THNSL2: variants seen among roughly 807,000 people sequenced by gnomAD.
THNSL2 encodes the protein threonine synthase like 2.
In THNSL2, 34 loss-of-function variants were observed where a neutral mutation model predicts 40.0. The ratio of observed to expected loss-of-function variants is 0.85; its 90% CI spans 0.65 to 1.13. The LOEUF (loss-of-function observed/expected upper bound fraction) is 1.13. Among genes scored for constraint, THNSL2 ranks in the 50% most tolerant of loss-of-function variants. THNSL2 has a pLI of 0.00. For synonymous variants in THNSL2, 241 were observed against 247.5 expected, an observed-to-expected ratio of 0.97 and a Z score of 0.25; for missense variants, 537 against 608.8, an observed-to-expected ratio of 0.88 and a Z score of 1.24.
chr2:88,183,052 G>T lies in THNSL2; in HGVS notation c.1056G>T (p.Leu352=). ...TTGAAAGGACCCAAAGTGTGAATCT[G>T]CCCAAGGAACTGCACAGCAAGGTCA... ...EQFERTQSVN[L]PKELHSKLSE... Residue 352 remains leucine, a synonymous_variant, in exon 7 of 9, where the codon CTG becomes CTT. Transcript: ENST00000674334. 2 of 1,613,346 alleles carry T rather than the reference G, an allele frequency of 1.2e-6. No individual in the cohort carries two copies. Among genetic ancestry groups the T allele is most frequent in the Non-Finnish European group, 1.7e-6 (2 of 1,179,998 alleles).
chr2:88,185,846 T>A (rs1678231105), intron 8 of THNSL2, 52 bp from the exon 9 acceptor site: 5 of 1,547,144 alleles, frequency 3.2e-6, no homozygotes, highest in Non-Finnish European at 4.4e-6. Flanking sequence ...TCCTTTCCCA[T>A]CTCTCTATTC....
chr2:88,185,638 AG>A lies in THNSL2; in HGVS notation c.1229+160del, dbSNP rs1477543866. ...GTGCCTTGGAAACTGTGGGCCCAGA[AG>A]AGGGAGCGTGACAGATATCCCAGGG... is the stretch of plus-strand genomic sequence containing the variant. On this transcript the variant is annotated intron_variant, in intron 8 of 8. Coordinates refer to ENST00000674334, the MANE Select transcript of THNSL2 (RefSeq NM_018271.5). 3 of 1,551,476 alleles carry A rather than the reference AG, an allele frequency of 1.9e-6. No homozygotes were observed. In the African/African-American group the frequency reaches 4.1e-5, roughly 21 times the overall value.
Position 88,181,675 on chromosome 2 carries a change from T to C in THNSL2, c.803-1024T>C, listed in dbSNP as rs1412066624. On this transcript the variant is annotated intron_variant, in intron 5 of 8. Transcript: ENST00000674334. ...TGATTCAGTGGTTTTTAGTATAATA[T>C]ATTCACAGACTTGTGCAACTATCAC... is the stretch of plus-strand genomic sequence containing the variant. Among the ~76,000 whole-genome samples, 19 of 152,022 alleles carry C rather than the reference T, an allele frequency of 1.2e-4. 1 individual carries two copies.
intron 1 of THNSL2, 91 bp from the exon 2 acceptor site, chr2:88,173,048 G>A: frequency 2.4e-6 from 2 of 828,646 alleles, no homozygotes; most frequent in Non-Finnish European, 3.7e-6. Flanking sequence ...GTGGTCTAGA[G>A]GCTAACTGTG....
rs755671875 is a variant in THNSL2, at chr2:88,173,341, G to A, written c.191G>A (p.Gly64Asp). ...LVKELCALFIGSELLPKDELN... is the reference protein window; with the variant it reads ...LVKELCALFIDSELLPKDELN... ...AAGGAGCTGTGTGCCCTCTTCATTG[G>A]CTCTGAGCTCCTTCCAAAAGATGAA... The change falls in exon 2 of 9, where the codon GGC becomes GAC. Residue 64 changes from glycine (G) to aspartate (D), a missense_variant. Physicochemically the swap from Gly to Asp is moderately conservative, Grantham distance 94 (BLOSUM62 -1). Transcript: ENST00000674334. 9.9e-6 allele frequency: 16 copies of A among 1,608,868 alleles called. No individual in the cohort carries two copies. Among genetic ancestry groups the A allele is most frequent in the African/African-American group, 1.3e-5 (1 of 74,952 alleles).
chr2:88,181,673 T>A (rs980458941), intron 5 of THNSL2, among the ~76,000 whole-genome samples: 3 of 152,014 alleles, frequency 2.0e-5, no homozygotes, highest in Non-Finnish European at 4.4e-5. Flanking sequence ...TTTAGTATAA[T>A]ATATTCACAG....
chr2:88,171,258 T>C (rs1383383088), intron 1 of THNSL2: 1 of 456,444 alleles, frequency 2.2e-6, no homozygotes, highest in East Asian at 7.0e-5. Flanking sequence ...ATGCTGCCCC[T>C]GGAAGGCATT....
rs139378946 is a variant in THNSL2 at position 88,182,318 on chromosome 2, G to A, written c.803-381G>A. Among the ~76,000 whole-genome samples, 611 of 152,308 alleles carry A rather than the reference G, an allele frequency of 4.0e-3. 13 individuals carry two copies. The highest frequency in any genetic ancestry group is 2.0e-3 in the Non-Finnish European group (139 of 68,032). On this transcript the variant is annotated intron_variant, in intron 5 of 8. Transcript: ENST00000674334. ...TTCCAGCCATCCTAGAGGGTTTGAA[G>A]TAATATCTCATGGTTTTTGTTTATA...
intron 5 of THNSL2, 160 bp from the exon 6 acceptor site, chr2:88,182,539 T>C: frequency 1.4e-6 from 1 of 712,726 alleles, no homozygotes; most frequent in Non-Finnish European, 2.1e-6. Context: ...TTTTTCCCCA[T>C]TCTGCGAGTT....
intron 5 of THNSL2, among the ~76,000 whole-genome samples, chr2:88,179,310 C>T (rs868320649): frequency 1.3e-5 from 2 of 152,328 alleles, no homozygotes; most frequent in Middle Eastern, 3.4e-3. Context: ...AAGGGTCAGC[C>T]GCTATGGCTG....
Position 88,185,940 on chromosome 2 carries a change from C to A in THNSL2, c.1272C>A (p.Phe424Leu). 1 of 1,612,092 alleles carries A rather than the reference C, an allele frequency of 6.2e-7. No individual in the cohort carries two copies. Residue 424 changes from phenylalanine (F) to leucine (L), a missense_variant, in exon 9 of 9, where the codon TTC becomes TTA. By Grantham distance (22) the Phe-to-Leu change is conservative. Transcript: ENST00000674334. ...CCLAPASAAKFPEAVLAAGLT... is the reference protein window; with the variant it reads ...CCLAPASAAKLPEAVLAAGLT... Reference sequence around the variant, plus strand: ...TCGCCCCTGCCTCTGCAGCCAAGTTCCCGGAAGCTGTCCTGGCTGCTGGCC... The same window carrying A: ...TCGCCCCTGCCTCTGCAGCCAAGTTACCGGAAGCTGTCCTGGCTGCTGGCC...
intron 8 of THNSL2, 106 bp from the exon 9 acceptor site, chr2:88,185,792 C>T: frequency 1.3e-6 from 2 of 1,538,392 alleles, no homozygotes; most frequent in South Asian, 1.2e-5. Flanking sequence ...TCCATACCCC[C>T]CCATCCCTAA....
intron 1 of THNSL2, 23 bp downstream of exon 1, chr2:88,170,479 C>T (rs1676243580): frequency 1.4e-5 from 2 of 147,488 alleles, no homozygotes; most frequent in South Asian, 3.7e-4. Context: ...AACCTCGCCG[C>T]CCTCCCGGGG....
intron 8 of THNSL2, 152 bp downstream of exon 8, chr2:88,185,631 G>T: frequency 6.4e-7 from 1 of 1,551,558 alleles, no homozygotes; most frequent in African/African-American, 1.4e-5. Flanking sequence ...GAAACTGTGG[G>T]CCCAGAAGAG....
intron 4 of THNSL2, chr2:88,175,722 G>T: frequency 4.1e-6 from 1 of 244,620 alleles, no homozygotes; most frequent in Non-Finnish European, 7.9e-6. Context: ...ACCATGCAGA[G>T]TCATAACCTG....
At chr2:88,181,150 T>C (rs1573197426) in intron 5 of THNSL2, among the ~76,000 whole-genome samples, 1 of 36,450 alleles carries the variant, frequency 2.7e-5, no homozygotes, top group Non-Finnish European at 5.0e-5. Context: ...CTCCTCTCTC[T>C]CTCCTCTCTC....
At chr2:88,177,504 G>A (rs1012248164) in intron 4 of THNSL2, among the ~76,000 whole-genome samples, 15 of 152,326 alleles carry the variant, frequency 9.8e-5, no homozygotes, top group African/African-American at 3.6e-4. Flanking sequence ...TTGGCTAGAA[G>A]TAGCAAAAAA....
chr2:88,185,276 T>G, intron 7 of THNSL2, 52 bp from the exon 8 acceptor site: 3 of 1,569,828 alleles, frequency 1.9e-6, no homozygotes, highest in Non-Finnish European at 2.6e-6. Context: ...TTTTGTCATC[T>G]TTCCCTACAT....
chr2:88,175,492 TG>T, intron 4 of THNSL2, 91 bp downstream of exon 4: 1 of 1,503,368 alleles, frequency 6.7e-7, no homozygotes, highest in Non-Finnish European at 9.1e-7. Context: ...ATTGCACAGT[TG>T]GGTAGCTGAC....
Sources: gnomAD v4.1 joint callset for allele counts (sites outside exome capture counted in the v4.1 genomes callset) on GRCh38, gnomAD v4.1.1 for gene constraint, MANE v1.5 for transcripts, NCBI Gene and HGNC (gene_info 2026-07-23, HGNC 2026-07-21) for gene names.